C18orf54: variants seen among roughly 807,000 people sequenced by gnomAD.
C18orf54 encodes lung adenoma susceptibility protein 2.
C18orf54 carries 49 observed loss-of-function variants against 49.3 expected under a neutral mutation model. The ratio of observed to expected loss-of-function variants is 0.99; its 90% CI spans 0.79 to 1.26. C18orf54 has a LOEUF of 1.26. Among genes scored for constraint, C18orf54 ranks in the 50% most tolerant of loss-of-function variants. The pLI, the probability that C18orf54 is intolerant of heterozygous loss-of-function variation, is 0.00. For missense variants in C18orf54, 687 were observed against 620.6 expected, an observed-to-expected ratio of 1.11 and a Z score of -1.14; for synonymous variants, 211 against 216.6, an observed-to-expected ratio of 0.97 and a Z score of 0.23.
intron 6 of C18orf54, among the ~76,000 whole-genome samples, chr18:54,368,214 A>T (rs539940880): frequency 6.6e-6 from 1 of 151,716 alleles, no homozygotes; most frequent in Non-Finnish European, 1.5e-5. Context: ...TACTAGAGTT[A>T]TTATATTCCT....
rs1406790026 is a variant in C18orf54 at position 54,378,535 on chromosome 18, T to G, written c.*289T>G. 4.9e-6 allele frequency: 1 copy of G among 205,432 alleles called. No individual in the cohort carries two copies. The highest frequency in any genetic ancestry group is 1.6e-4 in the South Asian group (1 of 6,180). The allele number at this position is 205,432 out of a possible 1,614,324, so 12.7% of individuals were successfully genotyped here. On this transcript the variant is annotated 3_prime_UTR_variant, in exon 9 of 9. Coordinates refer to ENST00000620105, the MANE Select transcript of C18orf54 (RefSeq NM_001288980.2). ...GTCTAATATTTAAAGATGGATGACT[T>G]CTGTTCTTGAAGCTTACCTGGATTT...
At chr18:54,374,377 G>A in intron 8 of C18orf54, 93 bp downstream of exon 8, 1 of 1,326,874 alleles carries the variant, frequency 7.5e-7, no homozygotes, top group Non-Finnish European at 1.0e-6. Flanking sequence ...AGTTTTAAGA[G>A]TAGCACTACT....
chr18:54,372,008 A>G lies in C18orf54; in HGVS notation c.1327-458A>G, dbSNP rs1038777651. ...AGTGTTATTTAGGTAGAAGGAATGT[A>G]TGGCCCATGAAGAGGTGAAAAGCTA... On this transcript the variant is annotated intron_variant, in intron 6 of 8. Coordinates refer to ENST00000620105, the MANE Select transcript of C18orf54 (RefSeq NM_001288980.2). 2.0e-5 allele frequency among the ~76,000 whole-genome samples: 3 copies of G among 152,178 alleles called. No individual in the cohort carries two copies. The South Asian group carries it at 6.2e-4, about 32-fold the overall frequency.
intron 2 of C18orf54, among the ~76,000 whole-genome samples, chr18:54,359,165 A>G (rs1017598861): frequency 2.6e-5 from 4 of 152,254 alleles, no homozygotes; most frequent in Non-Finnish European, 4.4e-5. Context: ...ACGGAGACCA[A>G]TACAACAGCT....
chr18:54,367,597 T>C (rs2089410209), intron 6 of C18orf54, among the ~76,000 whole-genome samples: 1 of 152,212 alleles, frequency 6.6e-6, no homozygotes, highest in Non-Finnish European at 1.5e-5. Context: ...GTCAGTCTAA[T>C]GGGAATTCCT....
chr18:54,376,911 C>A (rs1427058016), intron 8 of C18orf54, among the ~76,000 whole-genome samples: 1 of 152,110 alleles, frequency 6.6e-6, no homozygotes, highest in African/African-American at 2.4e-5. Flanking sequence ...ATTTATTGAA[C>A]AACTACTGTG....
rs146815167 is a variant in C18orf54, at chr18:54,360,796, T to A, written c.224T>A (p.Ile75Asn). 6.2e-7 allele frequency: 1 copy of A among 1,613,332 alleles called. No homozygotes were observed. The highest frequency in any genetic ancestry group is 8.5e-7 in the Non-Finnish European group (1 of 1,179,474). Reference protein sequence around the residue: ...YPGASTGKINIDEDFTNMSQF... With the variant: ...YPGASTGKINNDEDFTNMSQF... ...GGTGCAAGCACTGGAAAAATTAACA[T>A]TGATGAGGATTTTACTAATATGTCA... The change falls in exon 3 of 9, where the codon ATT becomes AAT. Residue 75 changes from isoleucine (I) to asparagine (N), a missense_variant. By Grantham distance (149) the Ile-to-Asn change is moderately radical (BLOSUM62 -3). Transcript: ENST00000620105.
intron 5 of C18orf54, among the ~76,000 whole-genome samples, chr18:54,365,499 C>G (rs966432189): frequency 1.3e-5 from 2 of 151,822 alleles, no homozygotes; most frequent in Non-Finnish European, 1.5e-5. Flanking sequence ...TTTCTTAAAG[C>G]TTGAAGACAG....
chr18:54,372,665 T>G, intron 7 of C18orf54, 68 bp downstream of exon 7: 1 of 1,379,782 alleles, frequency 7.2e-7, no homozygotes. Context: ...CTACATCTTT[T>G]AATAGACCTA....
intron 6 of C18orf54, 37 bp from the exon 7 acceptor site, chr18:54,372,429 A>T: frequency 6.9e-7 from 1 of 1,441,600 alleles, no homozygotes; most frequent in South Asian, 1.7e-5. Context: ...CTGAGCTTGG[A>T]TGGTTAACTT....
At chr18:54,367,159 G>T (rs570437181) in intron 6 of C18orf54, among the ~76,000 whole-genome samples, 112 of 152,132 alleles carry the variant, frequency 7.4e-4, no homozygotes, top group African/African-American at 2.5e-3. Context: ...TCACGTTCAA[G>T]GTTAATATTG....
In C18orf54 at chr18:54,378,233, C is replaced by A. The variant is rs148065410; in HGVS notation, c.1589C>A (p.Ser530Ter). 164 of 1,613,224 alleles carry A rather than the reference C, an allele frequency of 1.0e-4. No individual in the cohort carries two copies. The Middle Eastern group carries it at 2.5e-3, about 24-fold the overall frequency. Reference protein sequence around the residue: ...DLVDDTNGERSPKM With the variant: ...DLVDDTNGER ...GTTGATGATACGAATGGAGAACGGT[C>A]ACCGAAAATGTGAAGAGGAAAATGA... is the stretch of plus-strand genomic sequence containing the variant. The change falls in exon 9 of 9, where the codon TCA becomes TAA. Residue 530 changes from serine (S) to a stop codon, truncating the protein, a stop_gained. Coordinates refer to ENST00000620105, the MANE Select transcript of C18orf54 (RefSeq NM_001288980.2). LOFTEE classifies it high-confidence loss of function.
Position 54,362,301 on chromosome 18 carries a change from A to G in C18orf54, c.942A>G (p.Glu314=), listed in dbSNP as rs1450461949. 2.0e-6 allele frequency: 3 copies of G among 1,536,254 alleles called. No homozygotes were observed. Among genetic ancestry groups the G allele is most frequent in the Non-Finnish European group, 2.6e-6 (3 of 1,146,920 alleles). The change falls in exon 4 of 9, where the codon GAA becomes GAG. Residue 314 remains glutamate, a synonymous_variant. Coordinates refer to ENST00000620105, the MANE Select transcript of C18orf54 (RefSeq NM_001288980.2). ...NKLDCFEYAF[E]PSNFSNSLSD... ...TAGATTGTTTTGAATATGCTTTTGAACCCTCAAACTTTTCAAATTCCTTGA... is the reference window on the plus strand; with the variant it reads ...TAGATTGTTTTGAATATGCTTTTGAGCCCTCAAACTTTTCAAATTCCTTGA...
chr18:54,374,044 T>C (rs1013806854), intron 7 of C18orf54, among the ~76,000 whole-genome samples, 170 bp from the exon 8 acceptor site: 8 of 151,892 alleles, frequency 5.3e-5, no homozygotes, highest in Admixed American at 5.2e-4. Flanking sequence ...CTGTTAGTTG[T>C]AGTGTTTTTA....
chr18:54,365,123 A>G (rs1340329000), intron 5 of C18orf54, among the ~76,000 whole-genome samples: 1 of 152,034 alleles, frequency 6.6e-6, no homozygotes, highest in Non-Finnish European at 1.5e-5. Context: ...TGTCTGTGAG[A>G]TAGATGGGAC....
chr18:54,363,178 C>G (rs2089306647), intron 5 of C18orf54, among the ~76,000 whole-genome samples: 1 of 152,056 alleles, frequency 6.6e-6, no homozygotes. Flanking sequence ...TGATAAGCAT[C>G]TTAATATGAG....
In C18orf54 at chr18:54,365,745, A is replaced by T. The variant is rs781330301; in HGVS notation, c.1250A>T (p.Asp417Val). The T allele has an allele frequency of 6.3e-7, 1 of 1,598,012 alleles. No individual in the cohort carries two copies. Among genetic ancestry groups the T allele is most frequent in the Non-Finnish European group, 8.6e-7 (1 of 1,169,302 alleles). The change falls in exon 6 of 9, where the codon GAT (aspartate) becomes GTT (valine). Residue 417 changes from aspartate to valine, a missense_variant. Transcript: ENST00000620105. ...TFKSPVPVNS[D>V]DSPQQTSRAK... ...AAATCTCCTGTTCCCGTTAACTCTG[A>T]TGATAGTCCTCAACAAACTTCAAGG...
At chr18:54,376,777 A>G (rs117612603) in intron 8 of C18orf54, among the ~76,000 whole-genome samples, 4,468 of 152,352 alleles carry the variant, frequency 0.029, 97 homozygotes, top group Non-Finnish European at 0.044. Flanking sequence ...TTCTTATTAC[A>G]TTTGAGTAAA....
chr18:54,367,756 T>C (rs1283650112), intron 6 of C18orf54, among the ~76,000 whole-genome samples: 1 of 152,116 alleles, frequency 6.6e-6, no homozygotes, highest in East Asian at 1.9e-4. Flanking sequence ...TTCCCAGACG[T>C]GGGAAATTTT....
Sources: gnomAD v4.1 joint callset for allele counts (sites outside exome capture counted in the v4.1 genomes callset) on GRCh38, gnomAD v4.1.1 for gene constraint, MANE v1.5 for transcripts, NCBI Gene and HGNC (gene_info 2026-07-23, HGNC 2026-07-21) for gene names.